Variants in RHOT1 observed in about 807,000 individuals in gnomAD.
RHOT1 encodes the protein mitochondrial Rho GTPase 1.
A neutral mutation model predicts 95.3 loss-of-function variants in RHOT1; 27 were observed. That is an observed-to-expected ratio of 0.28 (90% CI 0.21 to 0.39). The LOEUF (loss-of-function observed/expected upper bound fraction) is 0.39, where lower values mean the gene tolerates loss of function less well. RHOT1 is among the 10% of genes least tolerant of loss of function. The pLI is 1.00. For synonymous variants in RHOT1, 227 were observed against 263.5 expected, an observed-to-expected ratio of 0.86 and a Z score of 1.34; for missense variants, 578 against 786.7, an observed-to-expected ratio of 0.73 and a Z score of 3.17.
Position 32,208,296 on chromosome 17 carries a change from A to G in RHOT1, c.1726A>G (p.Met576Val), listed in dbSNP as rs762757824. The change falls in exon 18 of 20, where the codon ATG (methionine) becomes GTG (valine). Residue 576 changes from methionine (M) to valine (V), a missense_variant. Met to Val is a conservative substitution (Grantham distance 21). Around this residue, in one of 4 missense-constraint regions of RHOT1, gnomAD observed 296 missense variants for 338.5 expected, o/e 0.87. Transcript: ENST00000545287. ...GGATATCTTTGTTAAATTGACAACA[A>G]TGGCCATGTATCCGTAAGTACTTGC... The part of the protein sequence containing the change: ...SKDIFVKLTT[M>V]AMYPHARLRC... 7.4e-6 allele frequency: 12 copies of G among 1,613,764 alleles called. No individual in the cohort carries two copies. Among genetic ancestry groups the G allele is most frequent in the African/African-American group, 1.3e-5 (1 of 74,910 alleles).
At chr17:32,156,620 T>C (rs1203743391) in intron 1 of RHOT1, among the ~76,000 whole-genome samples, 2 of 152,228 alleles carry the variant, frequency 1.3e-5, no homozygotes, top group Admixed American at 6.5e-5. Flanking sequence ...GTTTTCTAGG[T>C]GTGCTCCATG....
At chr17:32,145,116 A>G (rs1351760274) in intron 1 of RHOT1, among the ~76,000 whole-genome samples, 1 of 152,124 alleles carries the variant, frequency 6.6e-6, no homozygotes. Context: ...ACTGACCAAC[A>G]TGACGAAACC....
intron 1 of RHOT1, among the ~76,000 whole-genome samples, chr17:32,160,768 G>A (rs2033463731): frequency 6.6e-6 from 1 of 152,222 alleles, no homozygotes; most frequent in African/African-American, 2.4e-5. Context: ...TGTGCACAGA[G>A]GTCAGACCCC....
At chr17:32,148,678 T>C (rs998789043) in intron 1 of RHOT1, among the ~76,000 whole-genome samples, 25 of 152,358 alleles carry the variant, frequency 1.6e-4, no homozygotes, top group African/African-American at 6.0e-4. Context: ...TAGTGTATTC[T>C]AATTTCAATA....
intron 1 of RHOT1, among the ~76,000 whole-genome samples, chr17:32,149,835 G>A (rs934430658): frequency 5.9e-5 from 9 of 151,426 alleles, no homozygotes; most frequent in African/African-American, 2.2e-4. Flanking sequence ...TGTAACCTCC[G>A]CCTCCTGAGT....
intron 3 of RHOT1, among the ~76,000 whole-genome samples, chr17:32,174,334 C>CT (rs1321409476): frequency 7.9e-5 from 12 of 151,826 alleles, no homozygotes; most frequent in African/African-American, 2.9e-4. Context: ...TTAATTTTAC[C>CT]TTTTTTACTT....
intron 2 of RHOT1, among the ~76,000 whole-genome samples, chr17:32,171,345 C>T (rs1279283585): frequency 2.0e-5 from 3 of 152,186 alleles, no homozygotes; most frequent in African/African-American, 7.2e-5. Context: ...CTTGGCCTCC[C>T]AAAGTGCTGG....
At chr17:32,203,501 A>G (rs1001819459) in intron 15 of RHOT1, among the ~76,000 whole-genome samples, 1 of 151,358 alleles carries the variant, frequency 6.6e-6, no homozygotes, top group African/African-American at 2.4e-5. Flanking sequence ...GTCTTGAACT[A>G]CTTGGCCTCC....
At chr17:32,195,264 TTTTC>T (rs200922855) in intron 11 of RHOT1, among the ~76,000 whole-genome samples, 2 of 152,072 alleles carry the variant, frequency 1.3e-5, no homozygotes, top group African/African-American at 4.8e-5. Context: ...CCTGGCTTTT[TTTTC>T]TTTCTTTCTT....
At chr17:32,159,907 G>C (rs963172446) in intron 1 of RHOT1, 1 of 152,350 alleles carries the variant, frequency 6.6e-6, no homozygotes, top group African/African-American at 2.4e-5. Flanking sequence ...GAAGCCCGGG[G>C]GCTGGGTTGC....
At chr17:32,202,696 A>T in intron 14 of RHOT1, 74 bp from the exon 15 acceptor site, 1 of 1,147,572 alleles carries the variant, frequency 8.7e-7, no homozygotes. Flanking sequence ...CCTATTTTGC[A>T]AAAGGTGGAA....
In RHOT1 at chr17:32,167,904, G is replaced by A. The variant is rs140746439; in HGVS notation, c.38-3139G>A. Among the ~76,000 whole-genome samples the A allele has an allele frequency of 5.7e-3, 874 of 152,120 alleles. 6 individuals carry two copies. The highest frequency in any genetic ancestry group is 0.02 in the African/African-American group (820 of 41,500). On this transcript the variant is annotated intron_variant, in intron 1 of 19. Coordinates refer to ENST00000545287, the MANE Select transcript of RHOT1 (RefSeq NM_001033566.3). ...TAAAAAATTCACTGGATGTGGTGGCGTGGCCTGTGATACTAGCTACTCAGG... is the reference window on the plus strand; with the variant it reads ...TAAAAAATTCACTGGATGTGGTGGCATGGCCTGTGATACTAGCTACTCAGG...
chr17:32,208,420 G>A, intron 18 of RHOT1, 111 bp downstream of exon 18: 1 of 1,096,750 alleles, frequency 9.1e-7, no homozygotes, highest in South Asian at 1.4e-5. Context: ...GCAACAGAAA[G>A]ATACTTTGTA....
intron 12 of RHOT1, 97 bp downstream of exon 12, chr17:32,199,128 A>G: frequency 3.0e-6 from 3 of 989,096 alleles, no homozygotes; most frequent in Middle Eastern, 2.2e-4. Flanking sequence ...TGTATGTTAC[A>G]TAGCCAAAAA....
chr17:32,155,172 T>C (rs769795303), intron 1 of RHOT1, among the ~76,000 whole-genome samples: 1 of 152,190 alleles, frequency 6.6e-6, no homozygotes, highest in Non-Finnish European at 1.5e-5. Flanking sequence ...CTCTTTTTTT[T>C]TGAGATGGAG....
chr17:32,142,897 C>A, intron 1 of RHOT1, 168 bp downstream of exon 1: 1 of 756,240 alleles, frequency 1.3e-6, no homozygotes, highest in Non-Finnish European at 2.4e-6. Context: ...AGCCCCTTCA[C>A]TCTTCTCTTT....
chr17:32,218,815 GAATA>G (rs889774413), intron 19 of RHOT1, among the ~76,000 whole-genome samples: 12 of 152,008 alleles, frequency 7.9e-5, no homozygotes, highest in Non-Finnish European at 1.3e-4. Context: ...CCCTGTCTCT[GAATA>G]AATAAATAAA....
chr17:32,182,941 A>G (rs1320289904), intron 7 of RHOT1, 76 bp downstream of exon 7: 1 of 941,712 alleles, frequency 1.1e-6, no homozygotes. Context: ...TAGGGGGGAC[A>G]ATGTGGGATG....
intron 1 of RHOT1, among the ~76,000 whole-genome samples, chr17:32,170,336 A>T (rs924481037): frequency 1.3e-5 from 2 of 152,128 alleles, no homozygotes; most frequent in African/African-American, 2.4e-5. Context: ...AATCGCATGA[A>T]CCCAGGTGGT....
Sources: gnomAD v4.1 joint callset for allele counts (sites outside exome capture counted in the v4.1 genomes callset) on GRCh38, gnomAD v4.1.1 for gene constraint, gnomAD v4.1.1 regional missense constraint, MANE v1.5 for transcripts, NCBI Gene and HGNC (gene_info 2026-07-23, HGNC 2026-07-21) for gene names.